SUGCT: variants seen among roughly 807,000 people sequenced by gnomAD.
SUGCT encodes the protein succinyl-CoA:glutarate CoA-transferase.
In SUGCT, 41 loss-of-function variants were observed where a neutral mutation model predicts 55.0. That is an observed-to-expected ratio of 0.74 (90% CI 0.58 to 0.97). The LOEUF is 0.97. Ranked by LOEUF, SUGCT falls within the 50% of genes least tolerant of loss-of-function variation. The probability of loss-of-function intolerance (pLI) is 0.00; values close to 1 mark genes in which losing one functional copy is unlikely to be tolerated. For synonymous variants in SUGCT, 187 were observed against 200.4 expected (o/e 0.93, Z 0.56); for missense variants, 568 against 547.8 (o/e 1.04, Z -0.37).
the SUGCT span, among the ~76,000 whole-genome samples, chr7:41,036,786 T>C: frequency 6.6e-6 from 1 of 152,208 alleles, no homozygotes; most frequent in Non-Finnish European, 1.5e-5. Flanking sequence ...AGTGCTCTCA[T>C]ATCTCTCTCC....
At chr7:40,864,221 A>G (rs1049229046), downstream of SUGCT, among the ~76,000 whole-genome samples, 4 of 152,098 alleles carry the variant, frequency 2.6e-5, no homozygotes, top group African/African-American at 9.7e-5. Context: ...CAGTGGTGCG[A>G]TCTCAGCTCA....
chr7:40,538,705 A>T (rs1209881215), intron 12 of SUGCT: 1 of 152,202 alleles, frequency 6.6e-6, no homozygotes, highest in Admixed American at 6.5e-5. Context: ...TTTTTAAAGA[A>T]ATGTTTCTGA....
At chr7:40,301,888 A>G (rs1794561282) in intron 8 of SUGCT, among the ~76,000 whole-genome samples, 1 of 152,192 alleles carries the variant, frequency 6.6e-6, no homozygotes, top group African/African-American at 2.4e-5. Context: ...GTTCTAAGAA[A>G]ATGCCTGAAA....
intron 12 of SUGCT, among the ~76,000 whole-genome samples, chr7:40,552,658 A>G (rs1795358328): frequency 1.3e-5 from 2 of 152,186 alleles, no homozygotes; most frequent in South Asian, 4.1e-4. Flanking sequence ...ATAGGCTGCA[A>G]TCTGGGTGAC....
At chr7:40,344,326 A>G (rs1210767853) in intron 9 of SUGCT, among the ~76,000 whole-genome samples, 1 of 152,120 alleles carries the variant, frequency 6.6e-6, no homozygotes. Context: ...ATCAGCTTTT[A>G]CTACCGATCC....
At chr7:40,711,803 C>T (rs888215593) in intron 12 of SUGCT, among the ~76,000 whole-genome samples, 57 of 152,208 alleles carry the variant, frequency 3.7e-4, no homozygotes, top group African/African-American at 1.3e-3. Context: ...GTATCTTCAA[C>T]TAGATTTTAG....
chr7:40,908,208 C>G, the SUGCT span, among the ~76,000 whole-genome samples: 1 of 151,502 alleles, frequency 6.6e-6, no homozygotes, highest in Non-Finnish European at 1.5e-5. Flanking sequence ...GAAACCCCAT[C>G]TCTACTAAAA....
intron 11 of SUGCT, among the ~76,000 whole-genome samples, chr7:40,490,751 G>A (rs944997021): frequency 1.3e-5 from 2 of 152,140 alleles, no homozygotes; most frequent in Non-Finnish European, 2.9e-5. Context: ...TATGACTCTG[G>A]AAAGTATAGG....
At chr7:40,835,572 A>G (rs567900348) in intron 13 of SUGCT, among the ~76,000 whole-genome samples, 1 of 152,348 alleles carries the variant, frequency 6.6e-6, no homozygotes, top group South Asian at 2.1e-4. Flanking sequence ...AAGGATCTAC[A>G]TAAAACCTGA....
chr7:40,439,025 T>A (rs894954893), intron 9 of SUGCT, among the ~76,000 whole-genome samples: 2 of 142,228 alleles, frequency 1.4e-5, no homozygotes, highest in East Asian at 4.1e-4. Context: ...TGTGTGTGTA[T>A]ATATAATATG....
the SUGCT span, among the ~76,000 whole-genome samples, chr7:40,921,073 C>G: frequency 6.6e-6 from 1 of 152,158 alleles, no homozygotes; most frequent in Non-Finnish European, 1.5e-5. Context: ...TCTCCCATCA[C>G]AGGTTGGATG....
the SUGCT span, among the ~76,000 whole-genome samples, chr7:41,001,885 CT>C: frequency 6.6e-6 from 1 of 152,176 alleles, no homozygotes; most frequent in Non-Finnish European, 1.5e-5. Context: ...GCATGTTTGT[CT>C]GCTGACAGCA....
At chr7:40,890,365 A>T in the SUGCT span, among the ~76,000 whole-genome samples, 640 of 146,062 alleles carry the variant, frequency 4.4e-3, 35 homozygotes, top group South Asian at 0.12. Context: ...TTATAATAAT[A>T]TAAATATATT....
the SUGCT span, among the ~76,000 whole-genome samples, chr7:40,911,831 C>T: frequency 2.6e-5 from 4 of 152,090 alleles, no homozygotes; most frequent in African/African-American, 9.7e-5. Context: ...TTCTTACATC[C>T]CTGAGTTCAC....
rs899467302 is a variant in SUGCT, at chr7:40,210,601, A to G, written c.484+15541A>G. 3.9e-5 allele frequency among the ~76,000 whole-genome samples: 6 copies of G among 152,300 alleles called. No homozygotes were observed. The East Asian group carries it at 9.6e-4, about 24-fold the overall frequency. ...TCTCAGCAAGGCAAGTTATTTATAT[A>G]TAGAAGGGTGAGCCCTTACAGATGG... On this transcript the variant is annotated intron_variant, in intron 6 of 13. Coordinates refer to ENST00000335693, the MANE Select transcript of SUGCT (RefSeq NM_001193313.2).
intron 13 of SUGCT, among the ~76,000 whole-genome samples, chr7:40,772,885 A>C (rs1486787992): frequency 6.6e-6 from 1 of 152,200 alleles, no homozygotes; most frequent in African/African-American, 2.4e-5. Flanking sequence ...ACGGCCTCCC[A>C]CAGTGCTGAG....
intron 13 of SUGCT, among the ~76,000 whole-genome samples, chr7:40,830,582 T>G (rs914417262): frequency 2.1e-4 from 32 of 152,198 alleles, no homozygotes; most frequent in Admixed American, 6.5e-5. Flanking sequence ...TCAGAGAAAC[T>G]TCCCTGATCA....
intron 9 of SUGCT, among the ~76,000 whole-genome samples, chr7:40,329,447 T>C (rs961449167): frequency 1.3e-5 from 2 of 152,106 alleles, no homozygotes; most frequent in South Asian, 4.1e-4. Context: ...TGCTGAGTGG[T>C]GCTAGTGAAA....
intron 8 of SUGCT, among the ~76,000 whole-genome samples, chr7:40,295,309 C>A (rs1320577208): frequency 6.6e-6 from 1 of 152,156 alleles, no homozygotes; most frequent in African/African-American, 2.4e-5. Flanking sequence ...GGTGTGGTGG[C>A]TCACGCCTGT....
Sources: allele counts gnomAD v4.1 joint callset (sites outside exome capture counted in the v4.1 genomes callset), GRCh38; gene constraint gnomAD v4.1.1; transcripts MANE v1.5; gene names NCBI Gene and HGNC (gene_info 2026-07-23, HGNC 2026-07-21).